The following MYOM2 variants were observed in gnomAD, a reference collection of about 807,000 sequenced individuals.
MYOM2 encodes the protein myomesin 2.
In MYOM2, 254 loss-of-function variants were observed where a neutral mutation model predicts 187.6. The ratio of observed to expected loss-of-function variants is 1.35; its 90% confidence interval spans 1.22 to 1.50. The LOEUF is 1.50. MYOM2 is among the 40% of genes most tolerant of loss of function. The pLI is 0.00. For missense variants in MYOM2, 2,796 were observed against 1,924.0 expected (o/e 1.45, Z -8.48); for synonymous variants, 981 against 753.8 (o/e 1.30, Z -4.94).
At chr8:2,122,072 G>A (rs3735977) in intron 28 of MYOM2, among the ~76,000 whole-genome samples, 29,656 of 152,158 alleles carry the variant, frequency 0.19, 3,129 homozygotes, top group East Asian at 0.38. Flanking sequence ...TTATTGGAAA[G>A]GACCAGCAAT....
Position 2,132,868 on chromosome 8 carries a change from A to T in MYOM2, c.3800+3636A>T, listed in dbSNP as rs564443832. Among the ~76,000 whole-genome samples the T allele has an allele frequency of 6.7e-4, 102 of 152,208 alleles. No homozygotes were observed. In the South Asian group the frequency reaches 7.7e-3, roughly 11 times the overall value. ...TAACTCTTGAACTAACTGGGAGGAGAGGTGGCTGCCTGACACCCCAGACAC... is the reference window on the plus strand; with the variant it reads ...TAACTCTTGAACTAACTGGGAGGAGTGGTGGCTGCCTGACACCCCAGACAC... On this transcript the variant is annotated intron_variant, in intron 32 of 36. Transcript: ENST00000262113.
intron 13 of MYOM2, among the ~76,000 whole-genome samples, chr8:2,079,939 G>A (rs979875647): frequency 1.3e-5 from 2 of 152,216 alleles, no homozygotes; most frequent in African/African-American, 2.4e-5. Flanking sequence ...CCTGGGTGAT[G>A]TAAGATCCTT....
In MYOM2 at chr8:2,054,445, C is replaced by A. The variant is rs1818592269; in HGVS notation, c.263+2132C>A. Reference sequence around the variant, plus strand: ...GCAAGCCACCTGTCCCGGGGCTTGTCATTTACAATCAGTGCATGACAAATG... The same window carrying A: ...GCAAGCCACCTGTCCCGGGGCTTGTAATTTACAATCAGTGCATGACAAATG... On this transcript the variant is annotated intron_variant, in intron 3 of 36. Coordinates refer to ENST00000262113, the MANE Select transcript of MYOM2 (RefSeq NM_003970.4). Among the ~76,000 whole-genome samples the A allele has an allele frequency of 2.0e-5, 3 of 152,306 alleles. No homozygotes were observed. The South Asian group carries it at 6.2e-4, about 32-fold the overall frequency.
intron 14 of MYOM2, among the ~76,000 whole-genome samples, chr8:2,089,483 T>G (rs1232479090): frequency 2.0e-5 from 3 of 152,238 alleles, no homozygotes; most frequent in Admixed American, 6.5e-5. Context: ...ACTAAAGATC[T>G]TTATACAATA....
In MYOM2 at chr8:2,143,229, T is replaced by G; in HGVS notation, c.4025-172T>G. The G allele has an allele frequency of 4.1e-6, 3 of 729,268 alleles. No homozygotes were observed. The South Asian group carries it at 5.1e-5, about 12-fold the overall frequency. The allele number at this position is 729,268 out of a possible 1,614,324, so 45.2% of individuals were successfully genotyped here. On this transcript the variant is annotated intron_variant, in intron 35 of 36. Coordinates refer to ENST00000262113, the MANE Select transcript of MYOM2 (RefSeq NM_003970.4). ...TCTCCTCATCTACCTTCCCTTGGCT[T>G]TGGTTTATCCCTCAACTGTAAACAT... is the stretch of plus-strand genomic sequence containing the variant.
At chr8:2,092,319 A>G (rs1361578388) in intron 15 of MYOM2, 27 bp from the exon 16 acceptor site, 1 of 1,609,716 alleles carries the variant, frequency 6.2e-7, no homozygotes, top group Admixed American at 1.7e-5. Flanking sequence ...ATGCCATTTC[A>G]CCACTCCTTT....
chr8:2,097,069 C>T lies in MYOM2; in HGVS notation c.2313+635C>T, dbSNP rs1796518514. The T allele has an allele frequency of 5.2e-6, 5 of 962,424 alleles. No homozygotes were observed. In the East Asian group the frequency reaches 3.4e-4, roughly 66 times the overall value. 59.6% of individuals were successfully genotyped at this position (962,424 alleles called of 1,614,324 possible). ...GACCCTCATCTCACACTACAGCTCC[C>T]GTCCGGACTGTGGGGAGCCACAGAC... On this transcript the variant is annotated intron_variant, in intron 18 of 36. Coordinates refer to ENST00000262113, the MANE Select transcript of MYOM2 (RefSeq NM_003970.4).
intron 6 of MYOM2, among the ~76,000 whole-genome samples, chr8:2,064,053 G>T (rs565056823): frequency 2.4e-4 from 36 of 152,220 alleles, no homozygotes; most frequent in Non-Finnish European, 2.4e-4. Flanking sequence ...TTTGGAAACT[G>T]CCCATGGGCC....
chr8:2,092,613 C>T (rs139985396), intron 16 of MYOM2, 93 bp downstream of exon 16: 367 of 1,341,152 alleles, frequency 2.7e-4, no homozygotes, highest in Non-Finnish European at 3.3e-4. Flanking sequence ...GTACCATGGC[C>T]GCAAGGCTTC....
chr8:2,142,418 A>G, intron 35 of MYOM2, 21 bp downstream of exon 35: 1 of 1,612,924 alleles, frequency 6.2e-7, no homozygotes, highest in Non-Finnish European at 8.5e-7. Flanking sequence ...GTTGGATTGT[A>G]ACCAGGATGG....
At position 2,076,201 on chromosome 8, in the gene MYOM2, C is replaced by G. The variant is rs1443314139; in HGVS notation, c.1181C>G (p.Ala394Gly). Residue 394 changes from alanine to glycine, a missense_variant, in exon 11 of 37, where the codon GCC (alanine) becomes GGC (glycine). Coordinates refer to ENST00000262113, the MANE Select transcript of MYOM2 (RefSeq NM_003970.4). ...GAPMDLQCHD[A>G]NRDYVIVTWK... is the part of the protein sequence containing the mutation. The stretch of plus-strand genomic sequence containing the variant: ...CCCATGGACTTGCAGTGCCACGACG[C>G]CAACCGGGACTACGTCATCGTGACC... 2 of 1,613,450 alleles carry G rather than the reference C, an allele frequency of 1.2e-6. No homozygotes were observed. The highest frequency in any genetic ancestry group is 1.7e-6 in the Non-Finnish European group (2 of 1,179,912).
At chr8:2,112,027 C>T (rs776161441) in intron 25 of MYOM2, among the ~76,000 whole-genome samples, 34 of 152,088 alleles carry the variant, frequency 2.2e-4, no homozygotes, top group Non-Finnish European at 3.4e-4. Context: ...ATGTCAGATT[C>T]GATGAAACAA....
chr8:2,096,062 A>G (rs1585896999), intron 17 of MYOM2, among the ~76,000 whole-genome samples, 185 bp from the exon 18 acceptor site: 1 of 152,290 alleles, frequency 6.6e-6, no homozygotes, highest in East Asian at 1.9e-4. Flanking sequence ...TTTTGTACTC[A>G]TCCCCTTTAA....
intron 31 of MYOM2, among the ~76,000 whole-genome samples, chr8:2,126,653 C>T (rs916306257): frequency 6.6e-6 from 1 of 151,268 alleles, no homozygotes; most frequent in Non-Finnish European, 1.5e-5. Context: ...GCTGGGGAAG[C>T]ACCGGGAGAG....
chr8:2,078,845 G>A lies in MYOM2; in HGVS notation c.1374G>A (p.Arg458=). ...GAAGGTCTTACATATTCCGAGTGAGGGCAGTGAACAGTGCGGGCATCAGCC... is the reference window on the plus strand; with the variant it reads ...GAAGGTCTTACATATTCCGAGTGAGAGCAGTGAACAGTGCGGGCATCAGCC... ...FEGRSYIFRV[R]AVNSAGISRP... Residue 458 remains arginine, a synonymous_variant, in exon 12 of 37, where the codon AGG becomes AGA. Coordinates refer to ENST00000262113, the MANE Select transcript of MYOM2 (RefSeq NM_003970.4). 1 of 1,614,094 alleles carries A rather than the reference G, an allele frequency of 6.2e-7. No individual in the cohort carries two copies. The highest frequency in any genetic ancestry group is 8.5e-7 in the Non-Finnish European group (1 of 1,179,988).
In MYOM2 at chr8:2,062,536, G is replaced by T. The variant is rs547936793; in HGVS notation, c.653+3291G>T. Among the ~76,000 whole-genome samples the T allele has an allele frequency of 4.9e-4, 74 of 152,318 alleles. No homozygotes were observed. The Middle Eastern group carries it at 0.01, about 21-fold the overall frequency. ...TCAGAGCTGTGGCCATCACAGCGGGGTAGGCCTGGGTTGGGCAGTGGAGTT... is the reference window on the plus strand; with the variant it reads ...TCAGAGCTGTGGCCATCACAGCGGGTTAGGCCTGGGTTGGGCAGTGGAGTT... On this transcript the variant is annotated intron_variant, in intron 6 of 36. Coordinates refer to ENST00000262113, the MANE Select transcript of MYOM2 (RefSeq NM_003970.4).
At chr8:2,068,317 T>C (rs554940871) in intron 6 of MYOM2, among the ~76,000 whole-genome samples, 652 of 88,058 alleles carry the variant, frequency 7.4e-3, no homozygotes, top group Middle Eastern at 0.013. Flanking sequence ...TGCCTGTGTG[T>C]ACCAGGCGGA....
rs759229996 is a variant in MYOM2 at position 2,109,403 on chromosome 8, C to G, written c.3052C>G (p.Leu1018Val). 1.2e-6 allele frequency: 2 copies of G among 1,604,780 alleles called. No homozygotes were observed. Among genetic ancestry groups the G allele is most frequent in the Non-Finnish European group, 1.7e-6 (2 of 1,176,192 alleles). ...SNEIKNPTIPLKSELAYEIFD... is the reference protein window; with the variant it reads ...SNEIKNPTIPVKSELAYEIFD... ...TTCTTTTCTTCCTGTAGCAATTCCT[C>G]TGAAATCGGAATTAGCTTATGAGAT... The change falls in exon 25 of 37, where the codon CTG (leucine) becomes GTG (valine). Residue 1018 changes from leucine (L) to valine (V), a missense_variant. Transcript: ENST00000262113.
chr8:2,118,263 C>T (rs2116843055), intron 28 of MYOM2, among the ~76,000 whole-genome samples: 1 of 152,234 alleles, frequency 6.6e-6, no homozygotes, highest in Non-Finnish European at 1.5e-5. Context: ...GTGAAATACA[C>T]CTAGAAGTGC....
Sources: gnomAD v4.1 joint callset for allele counts (sites outside exome capture counted in the v4.1 genomes callset) on GRCh38, gnomAD v4.1.1 for gene constraint, MANE v1.5 for transcripts, NCBI Gene and HGNC (gene_info 2026-07-23, HGNC 2026-07-21) for gene names.